Variants in FBF1 observed in about 807,000 individuals in gnomAD.
The protein encoded by FBF1 is fas-binding factor 1.
A neutral mutation model predicts 147.2 loss-of-function variants in FBF1; 119 were observed. The ratio of observed to expected loss-of-function variants is 0.81; its 90% CI spans 0.70 to 0.94. The LOEUF (loss-of-function observed/expected upper bound fraction) is 0.94, where lower values mean the gene tolerates loss of function less well. FBF1 is among the 40% of genes least tolerant of loss of function. The pLI is 0.00. For missense variants in FBF1, 1,449 were observed against 1,500.8 expected (o/e 0.97, Z 0.57); for synonymous variants, 601 against 609.0 (o/e 0.99, Z 0.19).
At position 75,927,047 on chromosome 17, in the gene FBF1, A is replaced by T. The variant is rs142289652; in HGVS notation, c.476-170T>A. Among the ~76,000 whole-genome samples the T allele has an allele frequency of 7.6e-4, 116 of 152,274 alleles. 1 individual carries two copies. Among genetic ancestry groups the T allele is most frequent in the African/African-American group, 2.6e-3 (110 of 41,548 alleles). On this transcript the variant is annotated intron_variant, in intron 9 of 29. Transcript: ENST00000636174. ...GGGGCAACGGGGACTCCACAAAAAG[A>T]CAGGCCGGGCAAGGAGAGAGGGAGT... is the stretch of plus-strand genomic sequence containing the variant.
chr17:75,914,548 G>T (rs1489285605), intron 25 of FBF1, 199 bp downstream of exon 25: 15 of 823,330 alleles, frequency 1.8e-5, no homozygotes, highest in Non-Finnish European at 2.8e-5. Context: ...GGAACATGAG[G>T]ATCAAATAAA....
At position 75,937,479 on chromosome 17, in the gene FBF1, TTAAA is replaced by T. The variant is rs781737962; in HGVS notation, c.31+83_31+86del. ...GCCACCGTGCCCGGCCCAAAAACAT[TTAAA>T]TAAACACATCTCATTGTTCCAGGAC... On this transcript the variant is annotated intron_variant, in intron 3 of 29. Transcript: ENST00000636174. 2.6e-3 allele frequency: 3,943 copies of T among 1,538,804 alleles called. 22 individuals carry two copies. Among genetic ancestry groups the T allele is most frequent in the Non-Finnish European group, 2.4e-3 (2,720 of 1,114,614 alleles).
rs544145358 is a variant in FBF1, at chr17:75,918,101, C to T, written c.2247-31G>A. 7.3e-5 allele frequency: 117 copies of T among 1,605,660 alleles called. 1 individual carries two copies. Among genetic ancestry groups the T allele is most frequent in the South Asian group, 5.6e-4 (51 of 90,338 alleles). On this transcript the variant is annotated intron_variant, in intron 21 of 29. Coordinates refer to ENST00000636174, the MANE Select transcript of FBF1 (RefSeq NM_001319193.2). This position sits in a 1 kb window ranked among gnomAD's most constrained non-coding sequence, Gnocchi z 5.8. ...AGAAGACTGGGTCACCCCCTCCTGA[C>T]GGTCTCGGGGACCTTCCGGCCCCCA...
chr17:75,934,600 G>A (rs989568464), intron 4 of FBF1, among the ~76,000 whole-genome samples: 26 of 150,472 alleles, frequency 1.7e-4, no homozygotes, highest in Admixed American at 4.7e-4. Flanking sequence ...GATGCTGGCC[G>A]GGCGCGGTGG....
intron 6 of FBF1, among the ~76,000 whole-genome samples, chr17:75,930,919 T>C (rs1419324015): frequency 6.6e-6 from 1 of 151,884 alleles, no homozygotes; most frequent in Non-Finnish European, 1.5e-5. Context: ...AGACTCCATC[T>C]CAAAACAAAA....
At position 75,914,196 on chromosome 17, in the gene FBF1, GCCGCAGCTC is replaced by G; in HGVS notation, c.2908_2916del (p.Glu970_Arg972del). 2 of 1,593,910 alleles carry G rather than the reference GCCGCAGCTC, an allele frequency of 1.3e-6. No homozygotes were observed. The highest frequency in any genetic ancestry group is 1.7e-6 in the Non-Finnish European group (2 of 1,172,904). On this transcript the variant is annotated inframe_deletion, in exon 26 of 30. Transcript: ENST00000636174. Reference sequence around the variant, plus strand: ...GTGGCGTTGATCCTCTCCTTCTCCAGCCGCAGCTCCTGCCGCTCCTGCTCCAGGGCTGCT... The same window carrying G: ...GTGGCGTTGATCCTCTCCTTCTCCAGCTGCCGCTCCTGCTCCAGGGCTGCT...
rs1017181881 is a variant in FBF1 at position 75,922,137 on chromosome 17, G to T, written c.1425-91C>A. 13 of 1,093,316 alleles carry T rather than the reference G, an allele frequency of 1.2e-5. No homozygotes were observed. The highest frequency in any genetic ancestry group is 5.3e-6 in the Non-Finnish European group (4 of 750,860). 67.7% of individuals were successfully genotyped at this position (1,093,316 alleles called of 1,614,324 possible). A position where few individuals can be genotyped will look rare whatever the true frequency, so the allele number is the denominator to read the frequency against. ...GCCCAGGACGGGCTTCACACGTGAA[G>T]CTCGTGGCCCCCCTTCCTCCTGCTT... On this transcript the variant is annotated intron_variant, in intron 14 of 29. Transcript: ENST00000636174. This position sits in a 1 kb window ranked among gnomAD's most constrained non-coding sequence, Gnocchi z 5.0.
intron 23 of FBF1, among the ~76,000 whole-genome samples, chr17:75,916,860 TA>T (rs1427908940): frequency 2.6e-5 from 4 of 152,244 alleles, no homozygotes; most frequent in Non-Finnish European, 5.9e-5. Flanking sequence ...TTTTATTATT[TA>T]TTTTTTTGAG....
At chr17:75,911,700 G>A (rs2144147326) in intron 29 of FBF1, among the ~76,000 whole-genome samples, 1 of 151,918 alleles carries the variant, frequency 6.6e-6, no homozygotes, top group East Asian at 1.9e-4. Context: ...TTGTGGAGAC[G>A]AGGTCTCACT....
In FBF1 at chr17:75,930,222, A is replaced by C; in HGVS notation, c.229-175T>G. The C allele has an allele frequency of 5.0e-6, 3 of 598,958 alleles. No individual in the cohort carries two copies. The East Asian group carries it at 8.3e-5, about 17-fold the overall frequency. The allele number at this position is 598,958 out of a possible 1,614,324, so 37.1% of individuals were successfully genotyped here. On this transcript the variant is annotated intron_variant, in intron 6 of 29. Coordinates refer to ENST00000636174, the MANE Select transcript of FBF1 (RefSeq NM_001319193.2). ...TTTGTTCCCCTTGCTTGGGCTTGGC[A>C]GTTGTTTGAAGCCAAACCTGCCTGG... is the stretch of plus-strand genomic sequence containing the variant.
At chr17:75,927,609 G>A (rs1486996897) in intron 8 of FBF1, 77 bp from the exon 9 acceptor site, 8 of 1,359,172 alleles carry the variant, frequency 5.9e-6, no homozygotes, top group Non-Finnish European at 8.2e-6. Flanking sequence ...ATGGACTGGG[G>A]CCCCTGGGAT....
intron 2 of FBF1, chr17:75,937,941 C>T: frequency 5.6e-6 from 4 of 714,686 alleles, no homozygotes; most frequent in South Asian, 5.4e-5. Context: ...CTTAAAAACG[C>T]TTCCAGCTGG....
chr17:75,929,531 T>C (rs1479472439), intron 7 of FBF1, among the ~76,000 whole-genome samples: 1 of 152,200 alleles, frequency 6.6e-6, no homozygotes. Context: ...CTAGAGATTA[T>C]GTCCTTACAA....
At chr17:75,912,155 G>A (rs777023167) in intron 29 of FBF1, 37 bp downstream of exon 29, 15 of 1,562,544 alleles carry the variant, frequency 9.6e-6, no homozygotes, top group South Asian at 2.3e-5. Flanking sequence ...GGAAGGACTC[G>A]TGAACACAAG....
chr17:75,912,336 C>T (rs764012250), intron 28 of FBF1, 29 bp from the exon 29 acceptor site: 132 of 1,519,638 alleles, frequency 8.7e-5, no homozygotes, highest in Middle Eastern at 1.8e-4. Flanking sequence ...AAGTCAGGGA[C>T]CAAAGTGTTG....
chr17:75,913,565 T>C (rs1157544380), intron 28 of FBF1, 137 bp downstream of exon 28: 1 of 580,360 alleles, frequency 1.7e-6, no homozygotes, highest in Non-Finnish European at 2.9e-6. Context: ...ACACATTATT[T>C]GTGTAAAAAA....
intron 9 of FBF1, 62 bp from the exon 10 acceptor site, chr17:75,926,939 G>C (rs1429240190): frequency 9.0e-6 from 14 of 1,562,176 alleles, no homozygotes; most frequent in African/African-American, 2.7e-5. Context: ...AAGCAAGCCT[G>C]AACTGGGGAG....
At position 75,926,843 on chromosome 17, in the gene FBF1, A is replaced by T. The variant is rs777443547; in HGVS notation, c.510T>A (p.Tyr170Ter). 6.2e-7 allele frequency: 1 copy of T among 1,613,514 alleles called. No individual in the cohort carries two copies. Reference sequence around the variant, plus strand: ...GCTGCTTGGTGATTCCTCCTTCATCATAGGAGAGAAGTCCTCTCAATGGGT... The same window carrying T: ...GCTGCTTGGTGATTCCTCCTTCATCTTAGGAGAGAAGTCCTCTCAATGGGT... ...LEDPLRGLLS[Y>*]DEGGITKQPP... Residue 170 changes from tyrosine (Y) to a stop codon, truncating the protein, a stop_gained, in exon 10 of 30, where the codon TAT (tyrosine) becomes TAA (stop). Transcript: ENST00000636174. LOFTEE classifies it high-confidence loss of function.
At chr17:75,920,950 C>G (rs140209087) in intron 17 of FBF1, among the ~76,000 whole-genome samples, 5 of 151,864 alleles carry the variant, frequency 3.3e-5, no homozygotes, top group Non-Finnish European at 7.4e-5. Flanking sequence ...CTTGACAGAA[C>G]AGGACCCTGC....
Sources: gnomAD v4.1 joint callset for allele counts (sites outside exome capture counted in the v4.1 genomes callset) on GRCh38, gnomAD v4.1.1 for gene constraint, Gnocchi (gnomAD v3.1) non-coding constraint, MANE v1.5 for transcripts, NCBI Gene and HGNC (gene_info 2026-07-23, HGNC 2026-07-21) for gene names.